ILDR2: variants seen among roughly 807,000 people sequenced by gnomAD.
ILDR2 encodes immunoglobulin-like domain-containing receptor 2.
ILDR2 carries 25 observed loss-of-function variants against 66.8 expected under a neutral mutation model. The observed-to-expected ratio is 0.37, with a 90% CI of 0.27 to 0.52. The LOEUF is 0.52. Ranked by LOEUF, ILDR2 falls within the 20% of genes least tolerant of loss-of-function variation. The pLI is 0.88. For missense variants in ILDR2, 827 were observed against 876.8 expected, an observed-to-expected ratio of 0.94 and a Z score of 0.72; for synonymous variants, 367 against 357.2, an observed-to-expected ratio of 1.03 and a Z score of -0.31.
chr1:166,896,422 A>C (rs548613826), intron 2 of ILDR2, among the ~76,000 whole-genome samples: 113 of 152,140 alleles, frequency 7.4e-4, no homozygotes, highest in Non-Finnish European at 1.1e-3. Context: ...TTTGTACTGT[A>C]GGCTTGTGCT....
At chr1:166,901,085 G>C (rs191983291) in intron 2 of ILDR2, among the ~76,000 whole-genome samples, 336 of 152,222 alleles carry the variant, frequency 2.2e-3, no homozygotes, top group African/African-American at 7.7e-3. Flanking sequence ...TGGTCTCTTT[G>C]GTCACCTTCC....
Position 166,923,782 on chromosome 1 carries a change from T to C in ILDR2, c.995-973A>G, listed in dbSNP as rs184326068. ...AATAAACAAAAACTCAACTATTTAT[T>C]TATAAAACTTTGAAATGTATTGAAT... On this transcript the variant is annotated intron_variant, in intron 7 of 9. Coordinates refer to ENST00000271417, the MANE Select transcript of ILDR2 (RefSeq NM_199351.3). 4.1e-4 allele frequency among the ~76,000 whole-genome samples: 62 copies of C among 152,350 alleles called. 1 individual carries two copies. Among genetic ancestry groups the C allele is most frequent in the Admixed American group, 2.4e-3 (36 of 15,308 alleles).
At chr1:166,900,169 A>G (rs1433659098) in intron 2 of ILDR2, among the ~76,000 whole-genome samples, 9 of 150,508 alleles carry the variant, frequency 6.0e-5, no homozygotes, top group Non-Finnish European at 8.9e-5. Context: ...CCTTCTCTCT[A>G]TTGCTATCCT....
Position 166,936,868 on chromosome 1 carries a change from A to C in ILDR2, c.557-131T>G. The stretch of plus-strand genomic sequence containing the variant: ...AGGGAAGAAAGCTTCTCTTAACAGG[A>C]GACAGAGCCCCAACACTCAAGAGGA... On this transcript the variant is annotated intron_variant, in intron 4 of 9. Transcript: ENST00000271417. The surrounding 1 kb of genome is among the most constrained non-coding windows in gnomAD (Gnocchi z 5.0). 1 of 827,134 alleles carries C rather than the reference A, an allele frequency of 1.2e-6. No individual in the cohort carries two copies. The allele number at this position is 827,134 out of a possible 1,614,324, so 51.2% of individuals were successfully genotyped here.
chr1:166,921,528 A>G lies in ILDR2; in HGVS notation c.1212-149T>C. On this transcript the variant is annotated intron_variant, in intron 8 of 9. Transcript: ENST00000271417. This position sits in a 1 kb window ranked among gnomAD's most constrained non-coding sequence, Gnocchi z 5.3. ...CGCTCCAGGCTGGATGAAGCATTCC[A>G]GGCTCCTCTCACACCCCAGAACGTC... 1.5e-6 allele frequency: 1 copy of G among 658,462 alleles called. No homozygotes were observed. The highest frequency in any genetic ancestry group is 2.5e-6 in the Non-Finnish European group (1 of 398,712). 40.8% of individuals were successfully genotyped at this position (658,462 alleles called of 1,614,324 possible).
chr1:166,975,275 C>G lies in ILDR2; in HGVS notation c.-7G>C. ...TCAGCAAGACCCTATCCATCTTCCC[C>G]AACTTCCCAGCCGAATTACGGAGTG... On this transcript the variant is annotated 5_prime_UTR_variant, in exon 1 of 10. Transcript: ENST00000271417. The G allele has an allele frequency of 1.2e-6, 2 of 1,613,098 alleles. No homozygotes were observed. Among genetic ancestry groups the G allele is most frequent in the Non-Finnish European group, 1.7e-6 (2 of 1,179,246 alleles).
chr1:166,901,205 T>C (rs140445568), intron 2 of ILDR2, among the ~76,000 whole-genome samples: 5 of 152,314 alleles, frequency 3.3e-5, no homozygotes, highest in African/African-American at 1.2e-4. Context: ...ATGCTCCACA[T>C]TCCCCGAGTT....
At chr1:166,933,570 C>T (rs1293434552) in intron 6 of ILDR2, 1 of 981,396 alleles carries the variant, frequency 1.0e-6, no homozygotes, top group Non-Finnish European at 1.2e-6. Context: ...AATGGTTGAA[C>T]TGCAACAAAG....
chr1:166,904,751 G>C (rs549896572), downstream of ILDR2, among the ~76,000 whole-genome samples: 329 of 152,330 alleles, frequency 2.2e-3, no homozygotes, highest in Non-Finnish European at 2.9e-3. Flanking sequence ...TTGGAGTAGA[G>C]GGTAGTATTC....
intron 6 of ILDR2, among the ~76,000 whole-genome samples, chr1:166,927,770 A>G (rs1660388748): frequency 6.6e-6 from 1 of 152,192 alleles, no homozygotes; most frequent in South Asian, 2.1e-4. Flanking sequence ...AATTCAAACT[A>G]TGTGGATTTT....
intron 4 of ILDR2, among the ~76,000 whole-genome samples, chr1:166,937,734 C>G (rs1032049186): frequency 1.3e-5 from 2 of 152,198 alleles, no homozygotes; most frequent in Admixed American, 6.5e-5. Flanking sequence ...CCCAACTTCC[C>G]CTGGAGGCCT....
At chr1:166,905,356 C>T (rs1659328499), downstream of ILDR2, among the ~76,000 whole-genome samples, 1 of 152,164 alleles carries the variant, frequency 6.6e-6, no homozygotes, top group South Asian at 2.1e-4. Context: ...AGAAGCTGAG[C>T]CAGCTGTTCA....
At chr1:166,940,873 T>TCA (rs1661275813) in intron 3 of ILDR2, among the ~76,000 whole-genome samples, 5 of 152,204 alleles carry the variant, frequency 3.3e-5, no homozygotes, top group African/African-American at 1.2e-4. Flanking sequence ...TGTGTGTGGT[T>TCA]CATATTTTAA....
At chr1:166,961,733 A>G (rs552903142) in intron 1 of ILDR2, among the ~76,000 whole-genome samples, 1 of 152,384 alleles carries the variant, frequency 6.6e-6, no homozygotes, top group East Asian at 1.9e-4. Context: ...TATCAAGAGC[A>G]GTCTGATGAC....
At chr1:166,946,512 G>C (rs1427671806) in intron 3 of ILDR2, among the ~76,000 whole-genome samples, 1 of 152,068 alleles carries the variant, frequency 6.6e-6, no homozygotes, top group Non-Finnish European at 1.5e-5. Flanking sequence ...TTTGGCAGTA[G>C]TTATAAGCTT....
chr1:166,949,958 GT>G (rs1399810173), intron 3 of ILDR2, among the ~76,000 whole-genome samples: 1 of 152,194 alleles, frequency 6.6e-6, no homozygotes, highest in Non-Finnish European at 1.5e-5. Context: ...TATTTCAGCT[GT>G]TCTGGAAACC....
At chr1:166,896,037 T>C (rs965956117) in exon 3 of ILDR2, 1 of 152,250 alleles carries the variant, frequency 6.6e-6, no homozygotes, top group Admixed American at 6.5e-5. Flanking sequence ...AATGAGGGTC[T>C]TATGTCCTGC....
intron 1 of ILDR2, among the ~76,000 whole-genome samples, chr1:166,958,599 C>T (rs1662424623): frequency 6.6e-6 from 1 of 152,178 alleles, no homozygotes; most frequent in South Asian, 2.1e-4. Flanking sequence ...TCACAAATTA[C>T]CCAGTCTCAG....
Position 166,918,343 on chromosome 1 carries a change from G to A in ILDR2, c.*1012C>T, listed in dbSNP as rs535412208. Reference sequence around the variant, plus strand: ...GAAGCACAAAACCGGAAAAGACTGAGTGAAGTTTGTGGGTGAAATGGTCCA... The same window carrying A: ...GAAGCACAAAACCGGAAAAGACTGAATGAAGTTTGTGGGTGAAATGGTCCA... On this transcript the variant is annotated 3_prime_UTR_variant, in exon 10 of 10. Coordinates refer to ENST00000271417, the MANE Select transcript of ILDR2 (RefSeq NM_199351.3). The A allele has an allele frequency of 3.0e-4, 45 of 152,340 alleles. No homozygotes were observed. The highest frequency in any genetic ancestry group is 1.1e-3 in the African/African-American group (44 of 41,584). The allele number at this position is 152,340 out of a possible 1,614,324, so 9.4% of individuals were successfully genotyped here. A position where few individuals can be genotyped will look rare whatever the true frequency, so the allele number is the denominator to read the frequency against.
Sources: gnomAD v4.1 joint callset for allele counts (sites outside exome capture counted in the v4.1 genomes callset) on GRCh38, gnomAD v4.1.1 for gene constraint, Gnocchi (gnomAD v3.1) non-coding constraint, MANE v1.5 for transcripts, NCBI Gene and HGNC (gene_info 2026-07-23, HGNC 2026-07-21) for gene names.